RSU1: variants seen among roughly 807,000 people sequenced by gnomAD.
RSU1 encodes Ras suppressor protein 1.
Under a neutral mutation model 31.1 loss-of-function variants are expected in RSU1, and 26 were observed. The ratio of observed to expected loss-of-function variants is 0.84; its 90% CI spans 0.61 to 1.16. RSU1 has a LOEUF of 1.16. Among genes scored for constraint, RSU1 ranks in the 50% most tolerant of loss-of-function variants. The pLI is 0.00. For synonymous variants in RSU1, 164 were observed against 136.3 expected (o/e 1.20, Z -1.41); for missense variants, 320 against 339.1 (o/e 0.94, Z 0.44).
chr10:16,695,247 T>C, intron 7 of RSU1, 92 bp from the exon 8 acceptor site: 1 of 1,251,444 alleles, frequency 8.0e-7, no homozygotes, highest in Non-Finnish European at 1.1e-6. Context: ...CTAAGTACCC[T>C]AAATCAAACC....
intron 8 of RSU1, among the ~76,000 whole-genome samples, chr10:16,637,606 G>A (rs1389472802): frequency 6.6e-6 from 1 of 152,018 alleles, no homozygotes; most frequent in Non-Finnish European, 1.5e-5. Flanking sequence ...TGTTCTTTTA[G>A]TAAACCTTAG....
intron 8 of RSU1, among the ~76,000 whole-genome samples, chr10:16,595,191 G>A (rs1021049739): frequency 6.6e-6 from 1 of 152,188 alleles, no homozygotes; most frequent in Non-Finnish European, 1.5e-5. Context: ...TGGGATTACA[G>A]GGATGAGCCA....
At chr10:16,812,057 G>A (rs1838420513) in intron 2 of RSU1, among the ~76,000 whole-genome samples, 1 of 152,182 alleles carries the variant, frequency 6.6e-6, no homozygotes, top group Non-Finnish European at 1.5e-5. Flanking sequence ...GCTGGAGCGA[G>A]AAAAACGAAA....
At chr10:16,803,606 CA>C (rs1407729466) in intron 2 of RSU1, among the ~76,000 whole-genome samples, 9 of 152,168 alleles carry the variant, frequency 5.9e-5, no homozygotes, top group African/African-American at 2.2e-4. Flanking sequence ...AGTAACAAGA[CA>C]GTGTGGAGTT....
intron 7 of RSU1, among the ~76,000 whole-genome samples, chr10:16,722,894 G>GTATATATACACACATATACATATA (rs1836302207): frequency 7.0e-6 from 1 of 143,372 alleles, no homozygotes; most frequent in South Asian, 2.3e-4. Flanking sequence ...ATACATATAT[G>GTATATATACACACATATACATATA]TATATATACA....
At chr10:16,766,335 G>T (rs1837314541) in intron 3 of RSU1, among the ~76,000 whole-genome samples, 1 of 152,252 alleles carries the variant, frequency 6.6e-6, no homozygotes, top group African/African-American at 2.4e-5. Flanking sequence ...CAGTGTGGCT[G>T]CAAATGTACA....
chr10:16,815,028 G>C (rs1838497475), intron 2 of RSU1, among the ~76,000 whole-genome samples: 2 of 152,250 alleles, frequency 1.3e-5, no homozygotes, highest in African/African-American at 2.4e-5. Flanking sequence ...GGAAGGCCAT[G>C]GGGCCAAGGT....
intron 2 of RSU1, among the ~76,000 whole-genome samples, chr10:16,811,464 G>A (rs951420945): frequency 6.6e-6 from 1 of 152,092 alleles, no homozygotes; most frequent in Non-Finnish European, 1.5e-5. Context: ...CCATTTTATA[G>A]ATGAGGCACC....
chr10:16,597,212 G>A (rs1192738100), intron 8 of RSU1, among the ~76,000 whole-genome samples: 1 of 152,240 alleles, frequency 6.6e-6, no homozygotes, highest in African/African-American at 2.4e-5. Flanking sequence ...AAGGGCTGAG[G>A]TGGGTGTTCA....
At chr10:16,701,478 T>C (rs1489575003) in intron 7 of RSU1, among the ~76,000 whole-genome samples, 1 of 152,216 alleles carries the variant, frequency 6.6e-6, no homozygotes, top group African/African-American at 2.4e-5. Context: ...CCGGCAACTG[T>C]CTGCTTGGCC....
Position 16,593,122 on chromosome 10 carries a change from GC to G in RSU1, c.*271del, listed in dbSNP as rs1476853596. On this transcript the variant is annotated 3_prime_UTR_variant, in exon 9 of 9. Coordinates refer to ENST00000345264, the MANE Select transcript of RSU1 (RefSeq NM_012425.4). Reference sequence around the variant, plus strand: ...TGATATCTATTCAAGAAAAGCCAGAGCCCACTATGGAATTCGCAGTTGAATA... The same window carrying G: ...TGATATCTATTCAAGAAAAGCCAGAGCCACTATGGAATTCGCAGTTGAATA... The G allele has an allele frequency of 5.6e-6, 2 of 359,798 alleles. No homozygotes were observed. Among genetic ancestry groups the G allele is most frequent in the African/African-American group, 4.1e-5 (2 of 48,462 alleles). 22.3% of individuals were successfully genotyped at this position (359,798 alleles called of 1,614,324 possible).
chr10:16,757,986 T>C (rs1051404978), intron 4 of RSU1, among the ~76,000 whole-genome samples: 3 of 152,196 alleles, frequency 2.0e-5, no homozygotes, highest in African/African-American at 7.2e-5. Flanking sequence ...CCACTCAATC[T>C]TCAGCCCAGA....
chr10:16,694,980 T>TA, intron 8 of RSU1, 43 bp downstream of exon 8: 1 of 1,549,784 alleles, frequency 6.5e-7, no homozygotes, highest in Non-Finnish European at 8.8e-7. Context: ...ATAAATACTA[T>TA]AAAATCACAG....
At chr10:16,792,396 C>T (rs1478033052) in intron 2 of RSU1, among the ~76,000 whole-genome samples, 1 of 152,138 alleles carries the variant, frequency 6.6e-6, no homozygotes, top group Admixed American at 6.5e-5. Context: ...CCACAACTGG[C>T]TAATTTTTGT....
At position 16,799,600 on chromosome 10, in the gene RSU1, C is replaced by G. The variant is rs149031501; in HGVS notation, c.109+17373G>C. On this transcript the variant is annotated intron_variant, in intron 2 of 8. Transcript: ENST00000345264. ...TTTGCTGAGTTTTACCTCTAAGAGC[C>G]CTACCAGGTTCTAAGGGTGAAAAAA... Among the ~76,000 whole-genome samples the G allele has an allele frequency of 3.0e-4, 45 of 151,704 alleles. 1 individual carries two copies. The East Asian group carries it at 8.7e-3, about 29-fold the overall frequency.
intron 3 of RSU1, among the ~76,000 whole-genome samples, chr10:16,775,423 G>T (rs140577340): frequency 6.6e-6 from 1 of 152,064 alleles, no homozygotes; most frequent in Non-Finnish European, 1.5e-5. Flanking sequence ...GAATTAGCAC[G>T]TTAGCTGGCT....
intron 2 of RSU1, among the ~76,000 whole-genome samples, chr10:16,792,910 A>C (rs923237276): frequency 2.6e-5 from 4 of 152,228 alleles, no homozygotes; most frequent in Admixed American, 2.6e-4. Flanking sequence ...ATGCTGACCA[A>C]CTTGAGCTCT....
intron 7 of RSU1, among the ~76,000 whole-genome samples, chr10:16,746,384 C>A (rs2131614773): frequency 6.6e-6 from 1 of 152,164 alleles, no homozygotes; most frequent in African/African-American, 2.4e-5. Flanking sequence ...CCGAGCAGAC[C>A]AATGTGATTT....
At chr10:16,795,953 C>A (rs1201347030) in intron 2 of RSU1, among the ~76,000 whole-genome samples, 1 of 152,164 alleles carries the variant, frequency 6.6e-6, no homozygotes, top group Admixed American at 6.5e-5. Context: ...CCGCCTCAAC[C>A]TTCCCCCATA....
Sources: gnomAD v4.1 joint callset for allele counts (sites outside exome capture counted in the v4.1 genomes callset) on GRCh38, gnomAD v4.1.1 for gene constraint, MANE v1.5 for transcripts, NCBI Gene and HGNC (gene_info 2026-07-23, HGNC 2026-07-21) for gene names.